Variants in ADGRV1 observed in about 807,000 individuals in gnomAD.
ADGRV1 encodes the protein adhesion G protein-coupled receptor V1, also known as G-protein coupled receptor 98.
In ADGRV1, 359 loss-of-function variants were observed where a neutral mutation model predicts 596.2. The observed-to-expected ratio is 0.60, with a 90% CI of 0.55 to 0.66. The LOEUF (loss-of-function observed/expected upper bound fraction) is 0.66. ADGRV1 is among the 30% of genes least tolerant of loss of function. The pLI is 0.00. For synonymous variants in ADGRV1, 2,681 were observed against 2,679.2 expected, an observed-to-expected ratio of 1.00 and a Z score of -0.02; for missense variants, 7,274 against 7,575.6, an observed-to-expected ratio of 0.96 and a Z score of 1.48.
At chr5:90,899,689 T>C (rs1243993699) in intron 83 of ADGRV1, among the ~76,000 whole-genome samples, 1 of 152,174 alleles carries the variant, frequency 6.6e-6, no homozygotes, top group Non-Finnish European at 1.5e-5. Flanking sequence ...TCAGACACTT[T>C]TTATTTTTCT....
intron 87 of ADGRV1, among the ~76,000 whole-genome samples, chr5:91,140,444 A>T (rs1042036606): frequency 1.3e-5 from 2 of 152,236 alleles, no homozygotes; most frequent in African/African-American, 4.8e-5. Flanking sequence ...TTATAACAAG[A>T]TTTAAATAAA....
intron 85 of ADGRV1, among the ~76,000 whole-genome samples, chr5:90,989,276 A>G (rs559354480): frequency 1.6e-4 from 25 of 152,268 alleles, no homozygotes; most frequent in African/African-American, 6.0e-4. Flanking sequence ...AAGTGTTCCT[A>G]TTTCTTCACA....
At chr5:90,770,919 T>G (rs1757627576) in intron 59 of ADGRV1, among the ~76,000 whole-genome samples, 1 of 152,208 alleles carries the variant, frequency 6.6e-6, no homozygotes, top group Non-Finnish European at 1.5e-5. Context: ...ATCTGTTCAG[T>G]AACTTGCTCT....
chr5:91,086,347 ACTTTGCTC>A (rs1397549813), intron 86 of ADGRV1, among the ~76,000 whole-genome samples: 2 of 152,204 alleles, frequency 1.3e-5, no homozygotes, highest in African/African-American at 4.8e-5. Flanking sequence ...ATTGTCATCA[ACTTTGCTC>A]CTCTGCCTTA....
chr5:91,042,714 C>G (rs959609576), intron 85 of ADGRV1, among the ~76,000 whole-genome samples: 1 of 152,008 alleles, frequency 6.6e-6, no homozygotes, highest in African/African-American at 2.4e-5. Flanking sequence ...AAAATAATGC[C>G]CTCCACATTA....
intron 85 of ADGRV1, among the ~76,000 whole-genome samples, chr5:91,029,819 A>G (rs1784330498): frequency 6.6e-6 from 1 of 152,146 alleles, no homozygotes. Context: ...CAAGTTTGAT[A>G]CAGTCATATT....
intron 21 of ADGRV1, among the ~76,000 whole-genome samples, chr5:90,660,948 G>A (rs4916809): frequency 0.15 from 22,907 of 151,998 alleles, 1,930 homozygotes; most frequent in East Asian, 0.35. Context: ...ACTATGTCCC[G>A]GCAAAGAGCA....
chr5:90,690,779 G>A lies in ADGRV1; in HGVS notation c.6707-18G>A. ...TCACTTTGTATTTGAAATGAACTCT[G>A]CTCTGTCTACCCTTCAGGTTTTCAG... On this transcript the variant is annotated intron_variant, in intron 30 of 89. Coordinates refer to ENST00000405460, the MANE Select transcript of ADGRV1 (RefSeq NM_032119.4). 6.3e-7 allele frequency: 1 copy of A among 1,583,154 alleles called. No individual in the cohort carries two copies. Among genetic ancestry groups the A allele is most frequent in the Non-Finnish European group, 8.6e-7 (1 of 1,162,658 alleles).
At chr5:91,116,439 G>A (rs1792856071) in intron 87 of ADGRV1, among the ~76,000 whole-genome samples, 1 of 152,184 alleles carries the variant, frequency 6.6e-6, no homozygotes, top group African/African-American at 2.4e-5. Context: ...TAACTGGTGT[G>A]TATTAACATT....
intron 83 of ADGRV1, among the ~76,000 whole-genome samples, chr5:90,944,769 A>T (rs1414647572): frequency 1.3e-5 from 2 of 152,208 alleles, no homozygotes; most frequent in African/African-American, 4.8e-5. Flanking sequence ...TGTTGGAAAC[A>T]TGTCATCAAT....
rs557058316 is a variant in ADGRV1 at position 91,108,929 on chromosome 5, T to C, written c.18432+6589T>C. Reference sequence around the variant, plus strand: ...TTGATATTTAGTGTCTGATGCACTTTAAGTAAGAAAATCTTGATCACTTAA... The same window carrying C: ...TTGATATTTAGTGTCTGATGCACTTCAAGTAAGAAAATCTTGATCACTTAA... On this transcript the variant is annotated intron_variant, in intron 87 of 89. Coordinates refer to ENST00000405460, the MANE Select transcript of ADGRV1 (RefSeq NM_032119.4). Among the ~76,000 whole-genome samples, 9 of 152,282 alleles carry C rather than the reference T, an allele frequency of 5.9e-5. No homozygotes were observed. The South Asian group carries it at 1.9e-3, about 32-fold the overall frequency.
chr5:90,780,390 G>A (rs576517027), intron 64 of ADGRV1, among the ~76,000 whole-genome samples: 8 of 151,714 alleles, frequency 5.3e-5, no homozygotes, highest in Non-Finnish European at 7.4e-5. Context: ...TATATAATTC[G>A]CCAACTTTCA....
chr5:90,567,271 C>CT (rs1298990397), intron 1 of ADGRV1, among the ~76,000 whole-genome samples: 1 of 151,674 alleles, frequency 6.6e-6, no homozygotes, highest in Non-Finnish European at 1.5e-5. Flanking sequence ...TTTCTTGGTT[C>CT]TTTTTTTCCA....
Position 90,635,161 on chromosome 5 carries a change from A to G in ADGRV1, c.1887A>G (p.Ile629Met), listed in dbSNP as rs760044871. 6.2e-7 allele frequency: 1 copy of G among 1,610,022 alleles called. No individual in the cohort carries two copies. The highest frequency in any genetic ancestry group is 8.5e-7 in the Non-Finnish European group (1 of 1,176,410). The part of the protein sequence containing the change: ...LLNIIPLIPP[I>M]SPRFGEICNI... ...ACATAATTCCTCTAATCCCACCCAT[A>G]AGCCCTAGATTTGGGGAAATCTGCA... Residue 629 changes from isoleucine (I) to methionine (M), a missense_variant, in exon 10 of 90, where the codon ATA becomes ATG. Coordinates refer to ENST00000405460, the MANE Select transcript of ADGRV1 (RefSeq NM_032119.4).
chr5:90,621,107 C>T (rs1420422227), intron 4 of ADGRV1, among the ~76,000 whole-genome samples: 1 of 152,138 alleles, frequency 6.6e-6, no homozygotes, highest in Non-Finnish European at 1.5e-5. Context: ...GCTCCTAAAA[C>T]CAAGTTTATC....
At position 90,777,039 on chromosome 5, in the gene ADGRV1, T is replaced by G. The variant is rs1361806884; in HGVS notation, c.12527+463T>G. 2.0e-5 allele frequency among the ~76,000 whole-genome samples: 3 copies of G among 152,130 alleles called. No homozygotes were observed. In the East Asian group the frequency reaches 5.8e-4, roughly 29 times the overall value. On this transcript the variant is annotated intron_variant, in intron 61 of 89. Transcript: ENST00000405460. ...TCTCACACTGCTATAAAGAACTGCTTGAGACTGAATAATTTATGAAGAAAA... is the reference window on the plus strand; with the variant it reads ...TCTCACACTGCTATAAAGAACTGCTGGAGACTGAATAATTTATGAAGAAAA...
chr5:90,599,365 A>C (rs1761115514), intron 1 of ADGRV1, among the ~76,000 whole-genome samples: 1 of 152,160 alleles, frequency 6.6e-6, no homozygotes. Flanking sequence ...TAAACTAGAA[A>C]ATTTTCATCC....
chr5:91,114,913 T>C (rs765399699), intron 87 of ADGRV1, among the ~76,000 whole-genome samples: 3 of 152,178 alleles, frequency 2.0e-5, no homozygotes, highest in Non-Finnish European at 4.4e-5. Flanking sequence ...ACTTGAACTC[T>C]GTTGTTTGTC....
rs76099505 is a variant in ADGRV1 at position 90,692,324 on chromosome 5, A to G, written c.6952-281A>G. Among the ~76,000 whole-genome samples the G allele has an allele frequency of 0.011, 1,687 of 152,266 alleles. 30 individuals carry two copies. The highest frequency in any genetic ancestry group is 0.039 in the African/African-American group (1,601 of 41,540). ...ATTGAAATGGTAAACATAAACAGGG[A>G]TATTAAAATTGAGTCACATGATTAT... On this transcript the variant is annotated intron_variant, in intron 31 of 89. Transcript: ENST00000405460.
Sources: allele counts gnomAD v4.1 joint callset (sites outside exome capture counted in the v4.1 genomes callset), GRCh38; gene constraint gnomAD v4.1.1; transcripts MANE v1.5; gene names NCBI Gene and HGNC (gene_info 2026-07-23, HGNC 2026-07-21).